ADAM33: variants seen among roughly 807,000 people sequenced by gnomAD.
The protein encoded by ADAM33 is ADAM metallopeptidase domain 33, also known as disintegrin and metalloproteinase domain-containing protein 33.
ADAM33 carries 103 observed loss-of-function variants against 106.2 expected under a neutral mutation model. The observed-to-expected ratio is 0.97, with a 90% CI of 0.83 to 1.14. The LOEUF is 1.14. Ranked by LOEUF, ADAM33 falls within the 50% of genes most tolerant of loss-of-function variation. The pLI is 0.00. For synonymous variants in ADAM33, 483 were observed against 453.0 expected, an observed-to-expected ratio of 1.07 and a Z score of -0.84; for missense variants, 1,120 against 1,096.6, an observed-to-expected ratio of 1.02 and a Z score of -0.30.
Position 3,672,827 on chromosome 20 carries a change from C to G in ADAM33, c.1205G>C (p.Gly402Ala). The change falls in exon 12 of 22, where the codon GGC becomes GCC. Residue 402 changes from glycine to alanine, a missense_variant. Physicochemically the swap from Gly to Ala is moderately conservative, Grantham distance 60. Transcript: ENST00000356518. ...GTCCGGGGCATTGGAGAGGCAAGCG[C>G]CGCCCCCCTTGCGGAAGAAGGCGCG... ...QLRAFFRKGG[G>A]ACLSNAPDPG... The G allele has an allele frequency of 6.3e-7, 1 of 1,575,532 alleles. No individual in the cohort carries two copies. Among genetic ancestry groups the G allele is most frequent in the Non-Finnish European group, 8.6e-7 (1 of 1,166,672 alleles).
rs2087429343 is a variant in ADAM33, at chr20:3,670,058, TGTC to T, written c.2241-424_2241-422del. 4 of 298,708 alleles carry T rather than the reference TGTC, an allele frequency of 1.3e-5. No homozygotes were observed. In the South Asian group the frequency reaches 1.5e-4, roughly 11 times the overall value. 18.5% of individuals were successfully genotyped at this position (298,708 alleles called of 1,614,324 possible). ...GTCCCCATCCCATCCCCCAAGGCCT[TGTC>T]ATTTCCTGTGATGTTCCTTCAAAAC... is the stretch of plus-strand genomic sequence containing the variant. On this transcript the variant is annotated intron_variant, in intron 19 of 21. Transcript: ENST00000356518.
chr20:3,669,257 G>A, intron 21 of ADAM33, 42 bp downstream of exon 21: 2 of 1,523,862 alleles, frequency 1.3e-6, no homozygotes, highest in Non-Finnish European at 1.8e-6. Context: ...TGGGAGGGTG[G>A]GCGATGAGAG....
At chr20:3,677,622 C>A (rs926648159) in intron 2 of ADAM33, among the ~76,000 whole-genome samples, 2 of 152,214 alleles carry the variant, frequency 1.3e-5, no homozygotes, top group African/African-American at 4.8e-5. Context: ...TCAAATTTGA[C>A]TCCTCCACTT....
Position 3,672,145 on chromosome 20 carries a change from A to G in ADAM33, c.1586T>C (p.Leu529Pro). ...CPTLEQQCQQLWGPGSHPAPE... is the reference protein window; with the variant it reads ...CPTLEQQCQQPWGPGSHPAPE... ...TCGTGTCCTCTCACCAGGCCCCCAG[A>G]GCTGCTGGCACTGCTGCTCCAGCGT... Residue 529 changes from leucine to proline, a missense_variant, in exon 14 of 22, where the codon CTC becomes CCC. Coordinates refer to ENST00000356518, the MANE Select transcript of ADAM33 (RefSeq NM_025220.5). The G allele has an allele frequency of 6.2e-7, 1 of 1,611,412 alleles. No individual in the cohort carries two copies.
At chr20:3,669,836 C>T (rs2087413931) in intron 19 of ADAM33, 199 bp from the exon 20 acceptor site, 1 of 678,258 alleles carries the variant, frequency 1.5e-6, no homozygotes, top group Middle Eastern at 2.7e-4. Context: ...CCAAGTGAGC[C>T]TCATGCCCTC....
At chr20:3,677,780 G>A (rs1278816122) in intron 2 of ADAM33, among the ~76,000 whole-genome samples, 1 of 152,202 alleles carries the variant, frequency 6.6e-6, no homozygotes, top group Non-Finnish European at 1.5e-5. Flanking sequence ...TCTCAGCTAG[G>A]TGTCAGGAGG....
Position 3,671,017 on chromosome 20 carries a change from A to G in ADAM33, c.2229T>C (p.Pro743=), listed in dbSNP as rs759077631. The G allele has an allele frequency of 1.9e-6, 3 of 1,550,396 alleles. No homozygotes were observed. The highest frequency in any genetic ancestry group is 2.6e-6 in the Non-Finnish European group (3 of 1,147,950). The change falls in exon 19 of 22, where the codon CCT becomes CCC. Residue 743 remains proline, a synonymous_variant. Transcript: ENST00000356518. ...CGCTCGGAGCCTACCCACTGCACGC[A>G]GGGTCCCTTCTGCAGCCCCAGCTGC... ...QRCSWGCRRD[P]ACSGPKDGPH... is the part of the protein sequence containing the mutation.
intron 4 of ADAM33, 82 bp downstream of exon 4, chr20:3,674,945 A>AG: frequency 6.2e-7 from 1 of 1,608,852 alleles, no homozygotes; most frequent in Non-Finnish European, 8.5e-7. Flanking sequence ...ACCGCCCCTT[A>AG]GGAATGCAAG....
chr20:3,672,798 C>G lies in ADAM33; in HGVS notation c.1234G>C (p.Gly412Arg), dbSNP rs755851229. 1.9e-6 allele frequency: 3 copies of G among 1,572,148 alleles called. No homozygotes were observed. Among genetic ancestry groups the G allele is most frequent in the Non-Finnish European group, 2.6e-6 (3 of 1,160,488 alleles). Residue 412 changes from glycine to arginine, a missense_variant, in exon 12 of 22, where the codon GGA (glycine) becomes CGA (arginine). Gly to Arg is a moderately radical substitution (Grantham distance 125). Coordinates refer to ENST00000356518, the MANE Select transcript of ADAM33 (RefSeq NM_025220.5). ...CAGAGCGCCGGCGGCACCGGGAGTC[C>G]GGGGTCCGGGGCATTGGAGAGGCAA... Reference protein sequence around the residue: ...GACLSNAPDPGLPVPPALCGN... With the variant: ...GACLSNAPDPRLPVPPALCGN...
At chr20:3,673,151 T>A (rs544217568) in intron 11 of ADAM33, 52 of 1,487,336 alleles carry the variant, frequency 3.5e-5, no homozygotes, top group South Asian at 1.9e-4. Context: ...GCCAGGTTAC[T>A]CGGAAAATAA....
rs535922941 is a variant in ADAM33, at chr20:3,671,092, G to A, written c.2154C>T (p.Ala718=). Residue 718 remains alanine, a synonymous_variant, in exon 19 of 22, where the codon GCC becomes GCT. Coordinates refer to ENST00000356518, the MANE Select transcript of ADAM33 (RefSeq NM_025220.5). Reference sequence around the variant, plus strand: ...GTCGGTAGCAACACCAGGCCAGGCCGGCCCCTGGGAGCAGAGGCAGCAGGA... The same window carrying A: ...GTCGGTAGCAACACCAGGCCAGGCCAGCCCCTGGGAGCAGAGGCAGCAGGA... The part of the protein sequence containing the change: ...LSVLLPLLPG[A]GLAWCCYRLP... 291 of 1,591,912 alleles carry A rather than the reference G, an allele frequency of 1.8e-4. No individual in the cohort carries two copies. Among genetic ancestry groups the A allele is most frequent in the Non-Finnish European group, 2.2e-4 (259 of 1,169,240 alleles).
Position 3,673,852 on chromosome 20 carries a change from C to A in ADAM33, c.798G>T (p.Arg266=). The change falls in exon 9 of 22, where the codon CGG becomes CGT. Residue 266 remains arginine, a synonymous_variant. Coordinates refer to ENST00000356518, the MANE Select transcript of ADAM33 (RefSeq NM_025220.5). Reference sequence around the variant, plus strand: ...CGTCCTGCGTGACGCGGCTGCGGTCCCGCTCGGTCCACACCTCCAGGCCGG... The same window carrying A: ...CGTCCTGCGTGACGCGGCTGCGGTCACGCTCGGTCCACACCTCCAGGCCGG... ...ALTGLEVWTE[R]DRSRVTQDAN... is the part of the protein sequence containing the mutation. The A allele has an allele frequency of 6.4e-7, 1 of 1,568,164 alleles. No individual in the cohort carries two copies. Among genetic ancestry groups the A allele is most frequent in the South Asian group, 1.2e-5 (1 of 86,872 alleles).
At chr20:3,673,280 G>A (rs755309225) in intron 11 of ADAM33, 74 bp downstream of exon 11, 378 of 1,534,242 alleles carry the variant, frequency 2.5e-4, no homozygotes, top group Non-Finnish European at 3.2e-4. Flanking sequence ...ACTGAGGGAC[G>A]ACCAAAGAAA....
rs373209301 is a variant in ADAM33, at chr20:3,681,908, C to G, written c.97G>C (p.Gly33Arg). Residue 33 changes from glycine (G) to arginine (R), a missense_variant and splice_region_variant, in exon 1 of 22, where the codon GGA becomes CGA. Gly to Arg is a moderately radical substitution (Grantham distance 125, BLOSUM62 -2). Transcript: ENST00000356518. ...GGGCGCACCCCGCCCGCGTCCTCAC[C>G]TTGAAGCACCCCGGCGCCTGGCACT... ...WPVPGAGVLQGHIPGQPVTPH... is the reference protein window; with the variant it reads ...WPVPGAGVLQRHIPGQPVTPH... 8.2e-6 allele frequency: 13 copies of G among 1,593,440 alleles called. No individual in the cohort carries two copies. Among genetic ancestry groups the G allele is most frequent in the Non-Finnish European group, 1.1e-5 (13 of 1,171,228 alleles).
intron 1 of ADAM33, among the ~76,000 whole-genome samples, chr20:3,680,577 A>G (rs2088401348): frequency 6.6e-6 from 1 of 152,134 alleles, no homozygotes; most frequent in African/African-American, 2.4e-5. Context: ...GAGGGCCGAG[A>G]GGAGTCTGCC....
rs2087782817 is a variant in ADAM33 at position 3,674,239 on chromosome 20, T to G, written c.646A>C (p.Ile216Leu). The G allele has an allele frequency of 8.7e-6, 14 of 1,613,942 alleles. No individual in the cohort carries two copies. In the South Asian group the frequency reaches 1.2e-4, roughly 14 times the overall value. Residue 216 changes from isoleucine (I) to leucine (L), a missense_variant, in exon 7 of 22, where the codon ATT becomes CTT. Coordinates refer to ENST00000356518, the MANE Select transcript of ADAM33 (RefSeq NM_025220.5). ...CTCACCAGGGTGTGGTCTGCCACAA[T>G]GTACAGTTCCAGGTACTTCCGGGTC... ...RRTRKYLELYIVADHTLFLTR... is the reference protein window; with the variant it reads ...RRTRKYLELYLVADHTLFLTR...
chr20:3,671,850 C>G (rs1202666477), intron 15 of ADAM33, 27 bp downstream of exon 15: 3 of 1,551,432 alleles, frequency 1.9e-6, no homozygotes. Flanking sequence ...ATAGCTTCTG[C>G]TCCCTCCACT....
At position 3,674,847 on chromosome 20, in the gene ADAM33, A is replaced by G. The variant is rs752070454; in HGVS notation, c.336T>C (p.Asp112=). ...TTACTCGCCCTTGGTAGTGGCAATG[A>G]TCCTAGGGAGGAAGGGGCCAGCCCC... is the stretch of plus-strand genomic sequence containing the variant. ...QPVVLAPNHT[D]HCHYQGRVRG... is the part of the protein sequence containing the mutation. The change falls in exon 5 of 22, where the codon GAT becomes GAC. Residue 112 remains aspartate, a splice_region_variant and synonymous_variant. Transcript: ENST00000356518. 6.2e-7 allele frequency: 1 copy of G among 1,610,260 alleles called. No homozygotes were observed. Among genetic ancestry groups the G allele is most frequent in the South Asian group, 1.1e-5 (1 of 90,588 alleles).
In ADAM33 at chr20:3,675,129, C is replaced by A. The variant is rs2087857599; in HGVS notation, c.255-24G>T. ...TGCTGAGAGGGGGTGTTACAGGGAACACTGAATTCAGCTTCCTCCTGCCTC... is the reference window on the plus strand; with the variant it reads ...TGCTGAGAGGGGGTGTTACAGGGAAAACTGAATTCAGCTTCCTCCTGCCTC... On this transcript the variant is annotated intron_variant, in intron 3 of 21. Coordinates refer to ENST00000356518, the MANE Select transcript of ADAM33 (RefSeq NM_025220.5). The surrounding 1 kb of genome is among the most constrained non-coding windows in gnomAD (Gnocchi z 4.1). 1 of 1,576,344 alleles carries A rather than the reference C, an allele frequency of 6.3e-7. No homozygotes were observed. The highest frequency in any genetic ancestry group is 1.1e-5 in the South Asian group (1 of 88,914).
Sources: allele counts gnomAD v4.1 joint callset (sites outside exome capture counted in the v4.1 genomes callset), GRCh38; gene constraint gnomAD v4.1.1; non-coding constraint Gnocchi (gnomAD v3.1); transcripts MANE v1.5; gene names NCBI Gene and HGNC (gene_info 2026-07-23, HGNC 2026-07-21).